PARN: variants seen among roughly 807,000 people sequenced by gnomAD.
PARN encodes the protein poly(A)-specific ribonuclease, also known as poly(A)-specific ribonuclease PARN.
PARN carries 71 observed loss-of-function variants against 102.8 expected under a neutral mutation model. That is an observed-to-expected ratio of 0.69 (90% confidence interval 0.57 to 0.84). The LOEUF is 0.84. PARN is among the 40% of genes least tolerant of loss of function. The pLI, the probability that PARN is intolerant of heterozygous loss-of-function variation, is 0.00. For missense variants in PARN, 782 were observed against 760.9 expected (o/e 1.03, Z -0.33); for synonymous variants, 261 against 252.9 (o/e 1.03, Z -0.30).
At chr16:14,594,790 A>G (rs911616308) in intron 12 of PARN, among the ~76,000 whole-genome samples, 1 of 152,216 alleles carries the variant, frequency 6.6e-6, no homozygotes, top group Admixed American at 6.5e-5. Flanking sequence ...TGCTTGATTC[A>G]TGGGACTACA....
Position 14,624,205 on chromosome 16 carries a change from TGA to T in PARN, c.327+2899_327+2900del, listed in dbSNP as rs1341507829. Among the ~76,000 whole-genome samples the T allele has an allele frequency of 3.3e-5, 5 of 152,324 alleles. No homozygotes were observed. The East Asian group carries it at 7.7e-4, about 23-fold the overall frequency. ...TGCTTTAAGGGTGATAAGAGCTTTC[TGA>T]GAGAGATTTTGACCCAATTTTCACC... On this transcript the variant is annotated intron_variant, in intron 5 of 23. Transcript: ENST00000437198.
At chr16:14,517,225 T>C (rs760275563) in intron 21 of PARN, among the ~76,000 whole-genome samples, 9 of 152,224 alleles carry the variant, frequency 5.9e-5, no homozygotes, top group Non-Finnish European at 1.0e-4. Flanking sequence ...GAATTTAAGA[T>C]TGGCATGAGA....
intron 17 of PARN, 113 bp from the exon 18 acceptor site, chr16:14,581,056 A>G (rs1969504155): frequency 1.6e-6 from 1 of 616,486 alleles, no homozygotes; most frequent in Admixed American, 2.5e-5. Flanking sequence ...TGTGAAAGGT[A>G]TTCTTTTTTT....
chr16:14,477,148 T>C (rs745489110), intron 22 of PARN, among the ~76,000 whole-genome samples: 22 of 152,110 alleles, frequency 1.4e-4, no homozygotes, highest in Non-Finnish European at 2.5e-4. Context: ...ACGCTAAGTA[T>C]AAGAAAATAG....
chr16:14,492,237 T>G (rs376573803), intron 21 of PARN, among the ~76,000 whole-genome samples: 8 of 152,172 alleles, frequency 5.3e-5, no homozygotes, highest in African/African-American at 1.7e-4. Flanking sequence ...CTAGGGAAGA[T>G]AGTGGAGGAC....
intron 6 of PARN, among the ~76,000 whole-genome samples, chr16:14,611,063 T>C (rs2151798112): frequency 6.6e-6 from 1 of 152,334 alleles, no homozygotes. Flanking sequence ...GAATGAACAG[T>C]GACAAGCTGA....
chr16:14,607,427 T>A (rs1337636896), intron 9 of PARN, among the ~76,000 whole-genome samples: 1 of 151,848 alleles, frequency 6.6e-6, no homozygotes, highest in African/African-American at 2.4e-5. Flanking sequence ...AGGCTGGTCT[T>A]GAACTCCTGA....
intron 3 of PARN, among the ~76,000 whole-genome samples, chr16:14,627,848 AAAT>A (rs1200597739): frequency 2.0e-5 from 3 of 152,184 alleles, no homozygotes; most frequent in Non-Finnish European, 4.4e-5. Context: ...AAATTAAAAA[AAAT>A]AATAATAATT....
chr16:14,568,505 T>C (rs1283292162), intron 18 of PARN, among the ~76,000 whole-genome samples: 1 of 149,066 alleles, frequency 6.7e-6, no homozygotes, highest in Non-Finnish European at 1.5e-5. Flanking sequence ...ACTTGGAGGG[T>C]GGAGCAGGAG....
At chr16:14,622,204 A>G (rs202243386) in intron 5 of PARN, among the ~76,000 whole-genome samples, 2 of 151,270 alleles carry the variant, frequency 1.3e-5, no homozygotes, top group Non-Finnish European at 2.9e-5. Context: ...AAAAAAATAA[A>G]AAGATTCAAG....
chr16:14,501,587 G>A (rs1441644655), intron 21 of PARN: 1 of 151,910 alleles, frequency 6.6e-6, no homozygotes, highest in African/African-American at 2.4e-5. Context: ...AGCTGATAGA[G>A]GGCTTTTCGG....
chr16:14,584,720 C>T (rs1304060416), intron 15 of PARN, 29 bp downstream of exon 15: 4 of 1,507,018 alleles, frequency 2.7e-6, no homozygotes, highest in South Asian at 1.2e-5. Flanking sequence ...AATATGCAGT[C>T]GCTTTATAAA....
intron 21 of PARN, among the ~76,000 whole-genome samples, chr16:14,550,736 A>G (rs1306829193): frequency 6.6e-6 from 1 of 152,338 alleles, no homozygotes; most frequent in East Asian, 1.9e-4. Context: ...TTGTTAAAGT[A>G]AAAAACAAAC....
chr16:14,437,221 C>T (rs1391485570), intron 23 of PARN, among the ~76,000 whole-genome samples: 2 of 152,154 alleles, frequency 1.3e-5, no homozygotes, highest in Non-Finnish European at 2.9e-5. Context: ...ACCAGATGTA[C>T]AGAGCTAGCA....
At chr16:14,609,450 G>C (rs1447759074) in intron 7 of PARN, among the ~76,000 whole-genome samples, 1 of 151,942 alleles carries the variant, frequency 6.6e-6, no homozygotes, top group Non-Finnish European at 1.5e-5. Flanking sequence ...GTGTAACTGT[G>C]GTCCCAGCTA....
chr16:14,516,240 A>C (rs1965450214), intron 21 of PARN, among the ~76,000 whole-genome samples: 1 of 152,086 alleles, frequency 6.6e-6, no homozygotes, highest in Non-Finnish European at 1.5e-5. Context: ...AAAGTGACAC[A>C]GATGATGGGC....
intron 11 of PARN, among the ~76,000 whole-genome samples, chr16:14,600,575 C>G (rs151126344): frequency 6.6e-6 from 1 of 152,078 alleles, no homozygotes; most frequent in Admixed American, 6.6e-5. Context: ...TCCAGTTTAA[C>G]TCCCAGGTGT....
chr16:14,627,207 G>A lies in PARN; in HGVS notation c.246-20C>T, dbSNP rs1972727974. Reference sequence around the variant, plus strand: ...ATATACCTGGGATAAGATAAAAGGAGACTTAGGAGGTGACATTGTGCCACA... The same window carrying A: ...ATATACCTGGGATAAGATAAAAGGAAACTTAGGAGGTGACATTGTGCCACA... On this transcript the variant is annotated intron_variant, in intron 4 of 23. Coordinates refer to ENST00000437198, the MANE Select transcript of PARN (RefSeq NM_002582.4). 1 of 1,572,830 alleles carries A rather than the reference G, an allele frequency of 6.4e-7. No homozygotes were observed. The highest frequency in any genetic ancestry group is 1.1e-5 in the South Asian group (1 of 88,322).
In PARN at chr16:14,629,644, T is replaced by A; in HGVS notation, c.50A>T (p.Gln17Leu). The change falls in exon 2 of 24, where the codon CAG becomes CTG. Residue 17 changes from glutamine (Q) to leucine (L), a missense_variant. Physicochemically the swap from Gln to Leu is moderately radical, Grantham distance 113. Transcript: ENST00000437198. ...GAAGAAGTCGGCCTCCTCTATGGCCTGGTACACTTTGTGAAGATTACTCTT... is the reference window on the plus strand; with the variant it reads ...GAAGAAGTCGGCCTCCTCTATGGCCAGGTACACTTTGTGAAGATTACTCTT... Reference protein sequence around the residue: ...NFKSNLHKVYQAIEEADFFAI... With the variant: ...NFKSNLHKVYLAIEEADFFAI... 6.2e-7 allele frequency: 1 copy of A among 1,613,350 alleles called. No individual in the cohort carries two copies. The highest frequency in any genetic ancestry group is 8.5e-7 in the Non-Finnish European group (1 of 1,179,254).
Sources: gnomAD v4.1 joint callset for allele counts (sites outside exome capture counted in the v4.1 genomes callset) on GRCh38, gnomAD v4.1.1 for gene constraint, MANE v1.5 for transcripts, NCBI Gene and HGNC (gene_info 2026-07-23, HGNC 2026-07-21) for gene names.